PTPRT: variants seen among roughly 807,000 people sequenced by gnomAD.
The protein encoded by PTPRT is receptor-type tyrosine-protein phosphatase T.
A neutral mutation model predicts 176.8 loss-of-function variants in PTPRT; 56 were observed. The observed-to-expected ratio is 0.32, with a 90% CI of 0.26 to 0.40. PTPRT has a LOEUF of 0.40. PTPRT is among the 10% of genes least tolerant of loss of function. The pLI, the probability that PTPRT is intolerant of heterozygous loss-of-function variation, is 1.00. For synonymous variants in PTPRT, 783 were observed against 739.0 expected (o/e 1.06, Z -0.96); for missense variants, 1,540 against 1,908.2 (o/e 0.81, Z 3.60).
rs1204723815 is a variant in PTPRT, at chr20:42,943,918, C to G, written c.89-57986G>C. ...CCTGCAGTCCCAGCTACTTAGGAGG[C>G]TGAGGCAGGAGGATCACTTAAGCTC... On this transcript the variant is annotated intron_variant, in intron 1 of 30. Coordinates refer to ENST00000373187, the MANE Select transcript of PTPRT (RefSeq NM_007050.6). Among the ~76,000 whole-genome samples the G allele has an allele frequency of 3.3e-5, 5 of 152,200 alleles. No homozygotes were observed. The East Asian group carries it at 9.6e-4, about 29-fold the overall frequency.
intron 23 of PTPRT, among the ~76,000 whole-genome samples, chr20:42,109,030 C>A (rs1193059901): frequency 2.8e-5 from 4 of 145,382 alleles, no homozygotes; most frequent in African/African-American, 1.1e-4. Context: ...CCTTTGATTG[C>A]TATGAGATAT....
At chr20:42,837,914 T>C (rs924293138) in intron 2 of PTPRT, among the ~76,000 whole-genome samples, 1 of 152,046 alleles carries the variant, frequency 6.6e-6, no homozygotes, top group African/African-American at 2.4e-5. Context: ...GTGTTCACAT[T>C]TGCACCCTAG....
chr20:43,167,551 T>C (rs2014887907), intron 1 of PTPRT, among the ~76,000 whole-genome samples: 2 of 152,226 alleles, frequency 1.3e-5, no homozygotes, highest in Admixed American at 1.3e-4. Flanking sequence ...TCCCCTTGAA[T>C]GTGGCTAGAC....
chr20:42,873,291 G>C (rs576564964), intron 2 of PTPRT, among the ~76,000 whole-genome samples: 13 of 152,052 alleles, frequency 8.5e-5, no homozygotes, highest in East Asian at 3.9e-4. Flanking sequence ...TAATCTCTTC[G>C]TGCCTCAATT....
intron 1 of PTPRT, among the ~76,000 whole-genome samples, chr20:43,046,054 G>C (rs1487775485): frequency 6.6e-6 from 1 of 152,068 alleles, no homozygotes; most frequent in Non-Finnish European, 1.5e-5. Context: ...GGTGAGTAGG[G>C]GTAGAATCAT....
chr20:42,368,907 C>A (rs547702658), intron 9 of PTPRT, among the ~76,000 whole-genome samples: 26 of 152,298 alleles, frequency 1.7e-4, no homozygotes, highest in Non-Finnish European at 3.5e-4. Flanking sequence ...TACAGTGTCT[C>A]AACCATACTG....
the PTPRT span, among the ~76,000 whole-genome samples, chr20:42,050,147 A>G: frequency 6.6e-6 from 1 of 152,054 alleles, no homozygotes; most frequent in Non-Finnish European, 1.5e-5. Context: ...TTCCTTTTTC[A>G]TTGCTGGACT....
chr20:42,394,808 A>T (rs1330798896), intron 9 of PTPRT, among the ~76,000 whole-genome samples: 1 of 152,242 alleles, frequency 6.6e-6, no homozygotes, highest in Non-Finnish European at 1.5e-5. Flanking sequence ...ACAACTAGAA[A>T]AAACTAAATA....
At chr20:42,516,279 G>T (rs181653086) in intron 7 of PTPRT, among the ~76,000 whole-genome samples, 1 of 150,866 alleles carries the variant, frequency 6.6e-6, no homozygotes, top group East Asian at 2.0e-4. Context: ...AAAAAAAAAA[G>T]AATGAACACA....
chr20:42,448,113 A>G, intron 9 of PTPRT, 107 bp downstream of exon 9: 1 of 886,006 alleles, frequency 1.1e-6, no homozygotes, highest in Admixed American at 1.9e-5. Context: ...GGTATGTCTC[A>G]TCTTACTCAC....
intron 1 of PTPRT, among the ~76,000 whole-genome samples, chr20:43,132,560 G>C (rs1409842102): frequency 6.6e-6 from 1 of 152,138 alleles, no homozygotes; most frequent in Non-Finnish European, 1.5e-5. Flanking sequence ...TATGAACCTT[G>C]ACAATATGAC....
intron 7 of PTPRT, among the ~76,000 whole-genome samples, chr20:42,497,068 G>A (rs544282085): frequency 2.6e-5 from 4 of 152,206 alleles, no homozygotes; most frequent in South Asian, 2.1e-4. Flanking sequence ...CCCAGAGAAC[G>A]AATGGAACCA....
At chr20:42,296,542 TAA>T (rs1204460156) in intron 12 of PTPRT, among the ~76,000 whole-genome samples, 1 of 150,798 alleles carries the variant, frequency 6.6e-6, no homozygotes, top group East Asian at 1.9e-4. Context: ...AATTTTAAAA[TAA>T]AAGAGTAAAG....
At chr20:42,342,169 G>C (rs958735680) in intron 11 of PTPRT, among the ~76,000 whole-genome samples, 1 of 152,156 alleles carries the variant, frequency 6.6e-6, no homozygotes, top group Non-Finnish European at 1.5e-5. Context: ...TGTCTTTGGT[G>C]GTACACACAT....
intron 7 of PTPRT, among the ~76,000 whole-genome samples, chr20:42,497,481 C>A (rs2071675699): frequency 6.6e-6 from 1 of 151,976 alleles, no homozygotes; most frequent in Non-Finnish European, 1.5e-5. Flanking sequence ...GACAAAGTCT[C>A]TCTGTTGCTC....
intron 2 of PTPRT, 40 bp downstream of exon 2, chr20:42,885,767 G>C: frequency 6.3e-7 from 1 of 1,581,210 alleles, no homozygotes; most frequent in Non-Finnish European, 8.6e-7. Context: ...GTAAAAACTA[G>C]CCATCCCCAT....
intron 1 of PTPRT, among the ~76,000 whole-genome samples, chr20:43,001,879 CAAAA>C (rs563132098): frequency 0.021 from 2,552 of 120,394 alleles, 59 homozygotes; most frequent in African/African-American, 0.076. Context: ...AACAAACAAA[CAAAA>C]AAACAAACAA....
At chr20:42,808,515 A>T (rs2077647161) in intron 2 of PTPRT, among the ~76,000 whole-genome samples, 1 of 152,136 alleles carries the variant, frequency 6.6e-6, no homozygotes, top group Admixed American at 6.6e-5. Flanking sequence ...GGGGATGTGG[A>T]GGCCCAGGAA....
At chr20:42,323,441 T>G (rs1407791100) in intron 11 of PTPRT, among the ~76,000 whole-genome samples, 1 of 152,126 alleles carries the variant, frequency 6.6e-6, no homozygotes, top group Non-Finnish European at 1.5e-5. Context: ...TAAAAAATGA[T>G]GAGTTCATGT....
Sources: allele counts gnomAD v4.1 joint callset (sites outside exome capture counted in the v4.1 genomes callset), GRCh38; gene constraint gnomAD v4.1.1; transcripts MANE v1.5; gene names NCBI Gene and HGNC (gene_info 2026-07-23, HGNC 2026-07-21).